MERTK: variants seen among roughly 807,000 people sequenced by gnomAD.
MERTK encodes the protein tyrosine-protein kinase Mer.
Under a neutral mutation model 99.3 loss-of-function variants are expected in MERTK, and 69 were observed. The ratio of observed to expected loss-of-function variants is 0.70; its 90% CI spans 0.57 to 0.85. The LOEUF (loss-of-function observed/expected upper bound fraction) is 0.85. MERTK is among the 40% of genes least tolerant of loss of function. The pLI is 0.00. For synonymous variants in MERTK, 426 were observed against 467.6 expected (o/e 0.91, Z 1.15); for missense variants, 1,125 against 1,249.4 (o/e 0.90, Z 1.50).
chr2:111,928,821 C>T (rs567612191), intron 1 of MERTK, among the ~76,000 whole-genome samples: 1 of 152,212 alleles, frequency 6.6e-6, no homozygotes, highest in Non-Finnish European at 1.5e-5. Context: ...GTGTCATCAC[C>T]TTCTTCTTAT....
chr2:111,916,585 A>C (rs545123300), intron 1 of MERTK, among the ~76,000 whole-genome samples: 1 of 151,770 alleles, frequency 6.6e-6, no homozygotes, highest in East Asian at 1.9e-4. Context: ...TTCTTTACTG[A>C]GACTTTGTAT....
chr2:111,959,583 G>C (rs1685207366), intron 4 of MERTK, among the ~76,000 whole-genome samples: 1 of 152,060 alleles, frequency 6.6e-6, no homozygotes, highest in Non-Finnish European at 1.5e-5. Flanking sequence ...AGGTGATTCA[G>C]CCATCTCAAC....
chr2:111,919,186 A>C (rs1467996737), intron 1 of MERTK, among the ~76,000 whole-genome samples: 12 of 152,100 alleles, frequency 7.9e-5, no homozygotes, highest in Non-Finnish European at 1.5e-4. Context: ...CGTGCAGTCA[A>C]ACCTGGGCCC....
intron 15 of MERTK, among the ~76,000 whole-genome samples, chr2:112,012,387 G>A (rs935398840): frequency 6.8e-6 from 1 of 146,412 alleles, no homozygotes; most frequent in African/African-American, 2.5e-5. Flanking sequence ...CCCATGTGCT[G>A]TCAGAGAAGC....
chr2:111,909,844 G>T (rs1684209095), intron 1 of MERTK, among the ~76,000 whole-genome samples: 1 of 151,974 alleles, frequency 6.6e-6, no homozygotes, highest in South Asian at 2.1e-4. Flanking sequence ...TTCGGTCCGG[G>T]AACACTATGA....
At chr2:111,969,346 G>A (rs1449247003) in intron 6 of MERTK, among the ~76,000 whole-genome samples, 1 of 152,158 alleles carries the variant, frequency 6.6e-6, no homozygotes, top group East Asian at 1.9e-4. Flanking sequence ...CGTCTCAGGA[G>A]GGACATCGCA....
At chr2:111,902,242 G>A (rs546815581) in intron 1 of MERTK, among the ~76,000 whole-genome samples, 2 of 152,270 alleles carry the variant, frequency 1.3e-5, no homozygotes, top group South Asian at 4.1e-4. Context: ...TTGTAGAAGG[G>A]CCAGTGAGTT....
At chr2:111,980,671 GC>G (rs1191784102) in intron 7 of MERTK, among the ~76,000 whole-genome samples, 1 of 152,084 alleles carries the variant, frequency 6.6e-6, no homozygotes, top group East Asian at 1.9e-4. Flanking sequence ...ACCCGCCTCG[GC>G]CTCCCAAAAT....
At chr2:111,924,392 C>T (rs1333380331) in intron 1 of MERTK, among the ~76,000 whole-genome samples, 2 of 152,176 alleles carry the variant, frequency 1.3e-5, no homozygotes, top group Non-Finnish European at 2.9e-5. Context: ...TCGCATCTTT[C>T]CTCAATATCT....
intron 18 of MERTK, 28 bp downstream of exon 18, chr2:112,022,422 A>G (rs113953192): frequency 5.0e-6 from 8 of 1,614,110 alleles, no homozygotes; most frequent in East Asian, 2.2e-5. Flanking sequence ...TCTCCCTTCC[A>G]TACTCTGCAT....
chr2:112,003,857 G>A (rs1676923265), intron 12 of MERTK, 47 bp from the exon 13 acceptor site: 1 of 1,475,018 alleles, frequency 6.8e-7, no homozygotes. Context: ...TCTGTGGTCA[G>A]GGAAGAGTTT....
chr2:111,942,006 C>G (rs533635181), intron 2 of MERTK, among the ~76,000 whole-genome samples: 1 of 152,324 alleles, frequency 6.6e-6, no homozygotes, highest in Non-Finnish European at 1.5e-5. Flanking sequence ...TCTGGGGGCT[C>G]TGCACCTCCG....
At chr2:112,021,960 C>T (rs773109030) in intron 17 of MERTK, among the ~76,000 whole-genome samples, 21 of 151,846 alleles carry the variant, frequency 1.4e-4, no homozygotes, top group Admixed American at 5.3e-4. Context: ...ACGCCCTTGA[C>T]CCGAGATAAG....
At position 111,968,132 on chromosome 2, in the gene MERTK, T is replaced by A; in HGVS notation, c.845-5T>A. The stretch of plus-strand genomic sequence containing the variant: ...ATGTGTGTGTGTGTGTTTTGTTTTA[T>A]GCAGCAATTCCCTCCCCACCAACTG... On this transcript the variant is annotated splice_region_variant and splice_polypyrimidine_tract_variant and intron_variant, in intron 5 of 18. Coordinates refer to ENST00000295408, the MANE Select transcript of MERTK (RefSeq NM_006343.3). 1 of 1,489,572 alleles carries A rather than the reference T, an allele frequency of 6.7e-7. No homozygotes were observed. The highest frequency in any genetic ancestry group is 9.3e-7 in the Non-Finnish European group (1 of 1,069,856). 92.3% of individuals were successfully genotyped at this position (1,489,572 alleles called of 1,614,324 possible). A position where few individuals can be genotyped will look rare whatever the true frequency, so the allele number is the denominator to read the frequency against.
chr2:111,997,031 T>C (rs1676760225), intron 9 of MERTK: 1 of 410,616 alleles, frequency 2.4e-6, no homozygotes, highest in Non-Finnish European at 4.5e-6. Context: ...TCATTGATTT[T>C]AAAATTACTA....
intron 1 of MERTK, among the ~76,000 whole-genome samples, chr2:111,912,333 G>T (rs2104667607): frequency 6.6e-6 from 1 of 152,176 alleles, no homozygotes; most frequent in South Asian, 2.1e-4. Flanking sequence ...GGGCATTTAG[G>T]TTTTCCTGAA....
chr2:112,021,874 A>G (rs377616260), intron 17 of MERTK, among the ~76,000 whole-genome samples: 8 of 152,164 alleles, frequency 5.3e-5, no homozygotes, highest in African/African-American at 1.9e-4. Flanking sequence ...AGGATATTTC[A>G]TAGTCACATT....
At chr2:111,901,599 AGGCTAGAGTGCAGTGGCACCATCAC>A (rs1245943068) in intron 1 of MERTK, among the ~76,000 whole-genome samples, 1 of 125,476 alleles carries the variant, frequency 8.0e-6, no homozygotes, top group African/African-American at 3.1e-5. Context: ...TCTGCCACCC[AGGCTAGAGTGCAGTGGCACCATCAC>A]GGCTCACTGC....
chr2:111,947,854 C>G lies in MERTK; in HGVS notation c.757+287C>G, dbSNP rs1239102806. Among the ~76,000 whole-genome samples the G allele has an allele frequency of 5.9e-5, 9 of 152,160 alleles. 1 individual carries two copies. The highest frequency in any genetic ancestry group is 4.6e-4 in the Admixed American group (7 of 15,282). On this transcript the variant is annotated intron_variant, in intron 4 of 18. Transcript: ENST00000295408. Reference sequence around the variant, plus strand: ...CAGGCAGCAGGAGCCCTGCTCGCATCTCCCATTGTAGCTGTGGCCTTGCTG... The same window carrying G: ...CAGGCAGCAGGAGCCCTGCTCGCATGTCCCATTGTAGCTGTGGCCTTGCTG...
Sources: allele counts gnomAD v4.1 joint callset (sites outside exome capture counted in the v4.1 genomes callset), GRCh38; gene constraint gnomAD v4.1.1; transcripts MANE v1.5; gene names NCBI Gene and HGNC (gene_info 2026-07-23, HGNC 2026-07-21).